CUBN: variants seen among roughly 807,000 people sequenced by gnomAD.
CUBN encodes 460 kDa receptor.
Under a neutral mutation model 405.3 loss-of-function variants are expected in CUBN, and 282 were observed. The observed-to-expected ratio is 0.70, with a 90% CI of 0.63 to 0.77. CUBN has a LOEUF of 0.77. CUBN is among the 30% of genes least tolerant of loss of function. CUBN has a pLI of 0.00. For missense variants in CUBN, 4,514 were observed against 4,475.2 expected (o/e 1.01, Z -0.25); for synonymous variants, 1,684 against 1,617.0 (o/e 1.04, Z -0.99).
intron 48 of CUBN, among the ~76,000 whole-genome samples, chr10:16,910,286 T>C (rs1211123884): frequency 1.3e-5 from 2 of 152,126 alleles, no homozygotes; most frequent in Admixed American, 6.5e-5. Flanking sequence ...CTCTTTCATC[T>C]TTCTTCTTCC....
chr10:16,864,661 T>G (rs1290180073), intron 59 of CUBN, among the ~76,000 whole-genome samples: 1 of 141,120 alleles, frequency 7.1e-6, no homozygotes, highest in Non-Finnish European at 1.5e-5. Flanking sequence ...TTCTTTCTTT[T>G]TTTTTTTTTT....
intron 56 of CUBN, among the ~76,000 whole-genome samples, chr10:16,886,181 T>A (rs561587240): frequency 3.3e-5 from 5 of 152,214 alleles, no homozygotes; most frequent in Admixed American, 3.3e-4. Context: ...GGCATTTTTT[T>A]AAGCAAACAC....
intron 28 of CUBN, among the ~76,000 whole-genome samples, chr10:16,990,830 T>C (rs1833563141): frequency 1.3e-5 from 2 of 152,210 alleles, no homozygotes; most frequent in East Asian, 3.8e-4. Context: ...ATTTTCTTTA[T>C]TATAATAAGG....
At chr10:16,851,742 T>C (rs1205772861) in intron 59 of CUBN, among the ~76,000 whole-genome samples, 4 of 116,224 alleles carry the variant, frequency 3.4e-5, no homozygotes, top group East Asian at 2.9e-4. Flanking sequence ...CCCTCTATCT[T>C]TCCCTCCCTC....
intron 19 of CUBN, 33 bp downstream of exon 19, chr10:17,071,393 C>G (rs934577513): frequency 6.2e-7 from 1 of 1,605,192 alleles, no homozygotes; most frequent in Non-Finnish European, 8.5e-7. Context: ...AATATACAAC[C>G]AAATACAAAT....
At chr10:16,938,926 C>A (rs3817218) in intron 38 of CUBN, 37 bp downstream of exon 38, 3 of 1,548,504 alleles carry the variant, frequency 1.9e-6, no homozygotes, top group Non-Finnish European at 2.7e-6. Context: ...AGCAATTCAC[C>A]AATATTTATG....
intron 6 of CUBN, among the ~76,000 whole-genome samples, chr10:17,118,363 G>T (rs576252964): frequency 6.6e-6 from 1 of 152,310 alleles, no homozygotes; most frequent in South Asian, 2.1e-4. Flanking sequence ...CTGCACCATT[G>T]TTCCTGCATG....
intron 28 of CUBN, among the ~76,000 whole-genome samples, chr10:17,015,468 G>C (rs1484798317): frequency 6.6e-6 from 1 of 152,236 alleles, no homozygotes; most frequent in Non-Finnish European, 1.5e-5. Flanking sequence ...TGAGGAGGTA[G>C]GAGAAATACC....
At chr10:16,967,284 C>T (rs1324852935) in intron 31 of CUBN, among the ~76,000 whole-genome samples, 1 of 152,154 alleles carries the variant, frequency 6.6e-6, no homozygotes, top group East Asian at 1.9e-4. Context: ...TTACAAGAGA[C>T]TATAAACTCT....
intron 28 of CUBN, among the ~76,000 whole-genome samples, chr10:17,009,649 AG>A (rs1239511375): frequency 6.6e-6 from 1 of 152,208 alleles, no homozygotes. Context: ...AGGAGCATTT[AG>A]AAATTAGCAA....
At chr10:17,057,614 A>G (rs936343925) in intron 22 of CUBN, among the ~76,000 whole-genome samples, 2 of 152,084 alleles carry the variant, frequency 1.3e-5, no homozygotes, top group East Asian at 3.9e-4. Context: ...TACGCAAGAG[A>G]ATGAATACGT....
chr10:16,828,277 G>T (rs781100875), intron 66 of CUBN, among the ~76,000 whole-genome samples: 12 of 152,114 alleles, frequency 7.9e-5, no homozygotes, highest in Non-Finnish European at 1.3e-4. Context: ...TGATTCTGAC[G>T]CAGGGCTGAT....
intron 53 of CUBN, among the ~76,000 whole-genome samples, chr10:16,900,406 T>C (rs555503919): frequency 1.9e-4 from 29 of 152,376 alleles, no homozygotes; most frequent in Middle Eastern, 6.8e-3. Context: ...GCTATGTATC[T>C]AGGCAAATGA....
chr10:16,976,257 C>G (rs1180579242), intron 31 of CUBN, among the ~76,000 whole-genome samples: 1 of 152,160 alleles, frequency 6.6e-6, no homozygotes, highest in Non-Finnish European at 1.5e-5. Context: ...CAGGTGTGAT[C>G]TACCATACAC....
chr10:17,001,984 T>C (rs780597656), intron 28 of CUBN, among the ~76,000 whole-genome samples: 10 of 152,224 alleles, frequency 6.6e-5, no homozygotes, highest in Non-Finnish European at 1.3e-4. Context: ...ACCAGATTTG[T>C]TCTGTTTGTG....
At position 16,900,781 on chromosome 10, in the gene CUBN, C is replaced by G; in HGVS notation, c.8254G>C (p.Gly2752Arg). 2.5e-6 allele frequency: 4 copies of G among 1,614,096 alleles called. No individual in the cohort carries two copies. The highest frequency in any genetic ancestry group is 3.4e-6 in the Non-Finnish European group (4 of 1,180,010). ...CAWDSVTVRN[G>R]GSPESPIIGQ... Reference sequence around the variant, plus strand: ...ATGATGGGTGATTCAGGGGACCCACCATTCCTGACAGTGACAGAGTCCCAA... The same window carrying G: ...ATGATGGGTGATTCAGGGGACCCACGATTCCTGACAGTGACAGAGTCCCAA... Residue 2752 changes from glycine to arginine, a missense_variant, in exon 53 of 67, where the codon GGT becomes CGT. By Grantham distance (125) the Gly-to-Arg change is moderately radical. This residue lies in a region of CUBN where 1,186 missense variants were observed against 1,186.9 expected (regional missense o/e 1.00). Coordinates refer to ENST00000377833, the MANE Select transcript of CUBN (RefSeq NM_001081.4).
rs1274373035 is a variant in CUBN, at chr10:16,831,291, C to T, written c.10489G>A (p.Asp3497Asn). ...GTCCAGATGATTTCATATCCACGAT[C>T]AGAAGTTACACTATCACTCTTAAAT... ...LRFKSDSVTSDRGYEIIWTSS... is the reference protein window; with the variant it reads ...LRFKSDSVTSNRGYEIIWTSS... The change falls in exon 65 of 67, where the codon GAT becomes AAT. Residue 3497 changes from aspartate (D) to asparagine (N), a missense_variant. Around this residue, in one of 5 missense-constraint regions of CUBN, gnomAD observed 1,186 missense variants for 1,186.9 expected, o/e 1.00. Transcript: ENST00000377833. The T allele has an allele frequency of 1.2e-6, 2 of 1,614,116 alleles. No homozygotes were observed. The highest frequency in any genetic ancestry group is 1.7e-6 in the Non-Finnish European group (2 of 1,179,982).
rs1234047105 is a variant in CUBN, at chr10:16,836,369, G to A, written c.10046C>T (p.Ser3349Leu). 1.6e-5 allele frequency: 26 copies of A among 1,614,060 alleles called. No individual in the cohort carries two copies. Among genetic ancestry groups the A allele is most frequent in the Non-Finnish European group, 2.2e-5 (26 of 1,179,928 alleles). Reference sequence around the variant, plus strand: ...ATTTCTGCCACAGAACTGAAATCTTGAATTTCCGTGACCCTGAAATGAAAT... The same window carrying A: ...ATTTCTGCCACAGAACTGAAATCTTAAATTTCCGTGACCCTGAAATGAAAT... Reference protein sequence around the residue: ...LQDSPQGHGNSRFQFCGRNAS... With the variant: ...LQDSPQGHGNLRFQFCGRNAS... Residue 3349 changes from serine to leucine, a missense_variant, in exon 63 of 67, where the codon TCA becomes TTA. Ser to Leu is a moderately radical substitution (Grantham distance 145, BLOSUM62 -2). Transcript: ENST00000377833.
chr10:16,948,798 G>A (rs1441779594), intron 34 of CUBN, among the ~76,000 whole-genome samples, 192 bp from the exon 35 acceptor site: 1 of 152,136 alleles, frequency 6.6e-6, no homozygotes, highest in Middle Eastern at 3.2e-3. Context: ...ATATATAGGA[G>A]CTATATATAG....
Sources: gnomAD v4.1 joint callset for allele counts (sites outside exome capture counted in the v4.1 genomes callset) on GRCh38, gnomAD v4.1.1 for gene constraint, gnomAD v4.1.1 regional missense constraint, MANE v1.5 for transcripts, NCBI Gene and HGNC (gene_info 2026-07-23, HGNC 2026-07-21) for gene names.